CCDC183: variants seen among roughly 807,000 people sequenced by gnomAD.
CCDC183 encodes the protein coiled-coil domain containing 183.
Under a neutral mutation model 65.2 loss-of-function variants are expected in CCDC183, and 63 were observed. The ratio of observed to expected loss-of-function variants is 0.97; its 90% CI spans 0.79 to 1.19. The LOEUF is 1.19. CCDC183 is among the 50% of genes most tolerant of loss of function. The pLI is 0.00. For missense variants in CCDC183, 769 were observed against 689.3 expected (o/e 1.12, Z -1.30); for synonymous variants, 323 against 276.5 (o/e 1.17, Z -1.67).
Position 136,799,145 on chromosome 9 carries a change from G to A in CCDC183, c.114G>A (p.Met38Ile), listed in dbSNP as rs897585907. The change falls in exon 2 of 14, where the codon ATG (methionine) becomes ATA (isoleucine). Residue 38 changes from methionine to isoleucine, a missense_variant. Transcript: ENST00000338005. Reference sequence around the variant, plus strand: ...AGATCCAAGGGGTGAAAGAGAATATGGACCAGAACAAGGCCACGCTGGCCC... The same window carrying A: ...AGATCCAAGGGGTGAAAGAGAATATAGACCAGAACAAGGCCACGCTGGCCC... ...ALQIQGVKEN[M>I]DQNKATLALL... The A allele has an allele frequency of 8.1e-6, 13 of 1,613,444 alleles. No homozygotes were observed. The highest frequency in any genetic ancestry group is 2.2e-5 in the East Asian group (1 of 44,884).
chr9:136,806,435 C>T, intron 10 of CCDC183, 69 bp from the exon 11 acceptor site: 1 of 1,591,456 alleles, frequency 6.3e-7, no homozygotes, highest in East Asian at 2.2e-5. Flanking sequence ...CAGGACTGGG[C>T]TCCTGGGTGG....
intron 6 of CCDC183, among the ~76,000 whole-genome samples, chr9:136,803,540 C>T (rs1259409941): frequency 1.3e-5 from 2 of 152,208 alleles, no homozygotes; most frequent in African/African-American, 2.4e-5. Flanking sequence ...TCTGGGGATA[C>T]AGCAGGGACC....
intron 5 of CCDC183, among the ~76,000 whole-genome samples, 179 bp from the exon 6 acceptor site, chr9:136,802,485 C>G (rs145592693): frequency 3.7e-4 from 57 of 152,362 alleles, no homozygotes; most frequent in African/African-American, 1.3e-3. Context: ...CAGGCCAGCA[C>G]TGTCCACTCC....
chr9:136,804,489 C>A lies in CCDC183; in HGVS notation c.667-13C>A, dbSNP rs530882622. The A allele has an allele frequency of 1.1e-5, 18 of 1,610,550 alleles. No individual in the cohort carries two copies. Among genetic ancestry groups the A allele is most frequent in the Non-Finnish European group, 1.4e-5 (17 of 1,179,164 alleles). ...ACAGCTCCCCAACCCTGTGCCCACCCGCATGTCCCCAGAGGAACATGAGGC... is the reference window on the plus strand; with the variant it reads ...ACAGCTCCCCAACCCTGTGCCCACCAGCATGTCCCCAGAGGAACATGAGGC... On this transcript the variant is annotated splice_polypyrimidine_tract_variant and intron_variant, in intron 6 of 13. Coordinates refer to ENST00000338005, the MANE Select transcript of CCDC183 (RefSeq NM_001039374.5). The surrounding 1 kb of genome is among the most constrained non-coding windows in gnomAD (Gnocchi z 4.1).
At chr9:136,801,346 T>G (rs1847734263) in intron 5 of CCDC183, among the ~76,000 whole-genome samples, 1 of 151,480 alleles carries the variant, frequency 6.6e-6, no homozygotes, top group South Asian at 2.1e-4. Context: ...TGCCCCTCCT[T>G]CGCCTGGGTG....
At chr9:136,799,468 G>T in intron 2 of CCDC183, 1 of 726,186 alleles carries the variant, frequency 1.4e-6, no homozygotes, top group Non-Finnish European at 2.2e-6. Flanking sequence ...TGCAGCAGGG[G>T]CCCCCTCTGG....
chr9:136,800,749 A>G (rs1588331340), intron 5 of CCDC183: 2 of 472,230 alleles, frequency 4.2e-6, no homozygotes, highest in Non-Finnish European at 7.7e-6. Flanking sequence ...TATTGTTTGT[A>G]TCTTGCCTGT....
intron 2 of CCDC183, 131 bp from the exon 3 acceptor site, chr9:136,799,582 C>T (rs1847704187): frequency 3.7e-6 from 3 of 815,680 alleles, no homozygotes; most frequent in Non-Finnish European, 5.9e-6. Context: ...GCTCTCTGCT[C>T]CTCGTGGAAG....
chr9:136,798,988 C>A, intron 1 of CCDC183, 114 bp from the exon 2 acceptor site: 1 of 1,403,644 alleles, frequency 7.1e-7, no homozygotes, highest in Non-Finnish European at 9.7e-7. Flanking sequence ...ATGGAGGGGG[C>A]ATCCCCCTGG....
intron 10 of CCDC183, 55 bp downstream of exon 10, chr9:136,806,293 GGGCTGCAGCC>G: frequency 6.5e-7 from 1 of 1,534,392 alleles, no homozygotes; most frequent in Non-Finnish European, 8.8e-7. Flanking sequence ...CAAAGGCCCC[GGGCTGCAGCC>G]AGGCTGGGAG....
intron 1 of CCDC183, among the ~76,000 whole-genome samples, chr9:136,797,051 A>G (rs756767756): frequency 3.9e-5 from 6 of 152,200 alleles, no homozygotes; most frequent in Non-Finnish European, 5.9e-5. Flanking sequence ...GGAATGTCTC[A>G]GTGTAAAGCC....
chr9:136,806,647 T>C lies in CCDC183; in HGVS notation c.1253T>C (p.Met418Thr), dbSNP rs1358035652. ...MGIDNLYVRL[M>T]GINLPATQRE... ...ATCGACAACCTCTATGTCCGGCTGA[T>C]GGGCATTAACTTGCCTGCGACCCAG... The change falls in exon 11 of 14, where the codon ATG becomes ACG. Residue 418 changes from methionine (M) to threonine (T), a missense_variant. Physicochemically the swap from Met to Thr is moderately conservative, Grantham distance 81. Transcript: ENST00000338005. The C allele has an allele frequency of 1.9e-6, 3 of 1,613,702 alleles. No individual in the cohort carries two copies. Among genetic ancestry groups the C allele is most frequent in the Non-Finnish European group, 1.7e-6 (2 of 1,180,018 alleles).
At position 136,806,865 on chromosome 9, in the gene CCDC183, G is replaced by GA. The variant is rs772449015; in HGVS notation, c.1388dup (p.Asp465ArgfsTer24). The GA allele has an allele frequency of 3.1e-6, 5 of 1,613,422 alleles. No individual in the cohort carries two copies. In the Admixed American group the frequency reaches 8.3e-5, roughly 27 times the overall value. ...AGTGCAGATGGTGTCCAGGACCGAG[G>GA]AGGTAGCCCCGGGCTGGGAGGAACC... On this transcript the variant is annotated frameshift_variant and splice_region_variant, in exon 12 of 14. Coordinates refer to ENST00000338005, the MANE Select transcript of CCDC183 (RefSeq NM_001039374.5). LOFTEE classifies it high-confidence loss of function.
Position 136,806,579 on chromosome 9 carries a change from C to T in CCDC183, c.1185C>T (p.Asn395=), listed in dbSNP as rs1847855288. 6.2e-7 allele frequency: 1 copy of T among 1,613,586 alleles called. No homozygotes were observed. The highest frequency in any genetic ancestry group is 8.5e-7 in the Non-Finnish European group (1 of 1,180,028). ...AGAGGCTCCAGCTGGCGCACAGCAA[C>T]ATGACCAAGGGCCAGGAGCTGCTGC... ...EEERLQLAHS[N]MTKGQELLLT... is the part of the protein sequence containing the mutation. The change falls in exon 11 of 14, where the codon AAC becomes AAT. Residue 395 remains asparagine (N), a synonymous_variant. Transcript: ENST00000338005.
rs753146459 is a variant in CCDC183, at chr9:136,807,030, A to C, written c.1450A>C (p.Arg484=). ...SSTLMEKYNT[R]ISFENREEDM... ...GACTCTGATGGAGAAGTACAACACC[A>C]GGATCAGCTTTGAGAACCGGGAGGA... The change falls in exon 13 of 14, where the codon AGG becomes CGG. Residue 484 remains arginine (R), a synonymous_variant. Coordinates refer to ENST00000338005, the MANE Select transcript of CCDC183 (RefSeq NM_001039374.5). 3.7e-6 allele frequency: 6 copies of C among 1,613,462 alleles called. No individual in the cohort carries two copies. Among genetic ancestry groups the C allele is most frequent in the Admixed American group, 3.3e-5 (2 of 60,002 alleles).
chr9:136,804,717 C>G lies in CCDC183; in HGVS notation c.793-45C>G. ...AGGGCCACCACTCAGGGCCCACTCC[C>G]TGCCAAGGATGTCTCATCCCTTCCC... On this transcript the variant is annotated intron_variant, in intron 7 of 13. Coordinates refer to ENST00000338005, the MANE Select transcript of CCDC183 (RefSeq NM_001039374.5). This position sits in a 1 kb window ranked among gnomAD's most constrained non-coding sequence, Gnocchi z 4.1. 6.2e-7 allele frequency: 1 copy of G among 1,613,256 alleles called. No homozygotes were observed. Among genetic ancestry groups the G allele is most frequent in the Non-Finnish European group, 8.5e-7 (1 of 1,179,594 alleles).
intron 3 of CCDC183, 70 bp from the exon 4 acceptor site, chr9:136,799,932 C>G (rs1395181210): frequency 6.5e-7 from 1 of 1,537,060 alleles, no homozygotes; most frequent in Non-Finnish European, 8.8e-7. Flanking sequence ...CCTCCACCCG[C>G]CCGCCTGCTG....
rs370980588 is a variant in CCDC183 at position 136,806,748 on chromosome 9, G to A, written c.1279-9G>A. On this transcript the variant is annotated splice_polypyrimidine_tract_variant and intron_variant, in intron 11 of 13. Coordinates refer to ENST00000338005, the MANE Select transcript of CCDC183 (RefSeq NM_001039374.5). ...AGAGGGGAGATGAGACCCTCCTCCC[G>A]GCCTACAGAGAGAAGTGGTGCTCTC... 6.8e-6 allele frequency: 11 copies of A among 1,613,452 alleles called. No homozygotes were observed. In the East Asian group the frequency reaches 2.0e-4, roughly 29 times the overall value.
At chr9:136,807,169 G>T in intron 13 of CCDC183, 103 bp downstream of exon 13, 1 of 1,012,862 alleles carries the variant, frequency 9.9e-7, no homozygotes, top group Middle Eastern at 2.4e-4. Flanking sequence ...GAGGGACAGC[G>T]GGGCTACAGG....
Sources: gnomAD v4.1 joint callset for allele counts (sites outside exome capture counted in the v4.1 genomes callset) on GRCh38, gnomAD v4.1.1 for gene constraint, Gnocchi (gnomAD v3.1) non-coding constraint, MANE v1.5 for transcripts, NCBI Gene and HGNC (gene_info 2026-07-23, HGNC 2026-07-21) for gene names.